The following TTN variants were observed in gnomAD, a reference collection of about 807,000 sequenced individuals.
TTN encodes the protein titin, also known as connectin.
Under a neutral mutation model 3,223.0 loss-of-function variants are expected in TTN, and 1,525 were observed. The observed-to-expected ratio is 0.47, with a 90% CI of 0.45 to 0.49. TTN has a LOEUF of 0.49. Among genes scored for constraint, TTN ranks in the 20% least tolerant of loss-of-function variants. The pLI, the probability that TTN is intolerant of heterozygous loss-of-function variation, is 0.00. For missense variants in TTN, 40,786 were observed against 43,424.0 expected, an observed-to-expected ratio of 0.94 and a Z score of 5.40; for synonymous variants, 14,094 against 15,161.0, an observed-to-expected ratio of 0.93 and a Z score of 5.17.
In TTN at chr2:178,582,415, C is replaced by G. The variant is rs750531050; in HGVS notation, c.66041G>C (p.Ser22014Thr). ...AQVSATVPIT[S>T]CSVEKLIEGH... ...CTCTATAAGTTTCTCCACGCTGCAG[C>G]TGGTGATAGGCACAGTTGCAGAGAC... The change falls in exon 314 of 363, where the codon AGC (serine) becomes ACC (threonine). Residue 22014 changes from serine to threonine, a missense_variant. By Grantham distance (58) the Ser-to-Thr change is moderately conservative. Coordinates refer to ENST00000589042, the MANE Select transcript of TTN (RefSeq NM_001267550.2). 3.1e-6 allele frequency: 5 copies of G among 1,612,938 alleles called. No individual in the cohort carries two copies. The highest frequency in any genetic ancestry group is 2.7e-5 in the African/African-American group (2 of 74,982).
rs2092284833 is a variant in TTN at position 178,776,901 on chromosome 2, C to G, written c.4963G>C (p.Glu1655Gln). Residue 1655 changes from glutamate (E) to glutamine (Q), a missense_variant, in exon 28 of 363, where the codon GAG becomes CAG. Glu to Gln is a conservative substitution (Grantham distance 29). Coordinates refer to ENST00000589042, the MANE Select transcript of TTN (RefSeq NM_001267550.2). ...GGGATGATTAACTTTCTCTCTGGCT[C>G]AGGCTCTGCAAACTCAACTTCAACA... ...VNVEVEFAEPEPERKLIIPRG... is the reference protein window; with the variant it reads ...VNVEVEFAEPQPERKLIIPRG... The G allele has an allele frequency of 6.2e-7, 1 of 1,613,092 alleles. No individual in the cohort carries two copies. The highest frequency in any genetic ancestry group is 1.7e-5 in the Admixed American group (1 of 59,870).
At chr2:178,764,490 GT>G in intron 42 of TTN, 36 bp downstream of exon 42, 1 of 1,613,532 alleles carries the variant, frequency 6.2e-7, no homozygotes, top group East Asian at 2.2e-5. Context: ...TGCTTCTTAG[GT>G]TTTATTTTCA....
chr2:178,764,709 T>G lies in TTN; in HGVS notation c.9806A>C (p.Lys3269Thr). 1 of 1,614,138 alleles carries G rather than the reference T, an allele frequency of 6.2e-7. No homozygotes were observed. Among genetic ancestry groups the G allele is most frequent in the Non-Finnish European group, 8.5e-7 (1 of 1,179,998 alleles). Residue 3269 changes from lysine to threonine, a missense_variant, in exon 42 of 363, where the codon AAA (lysine) becomes ACA (threonine). Physicochemically the swap from Lys to Thr is moderately conservative, Grantham distance 78 (BLOSUM62 -1). Coordinates refer to ENST00000589042, the MANE Select transcript of TTN (RefSeq NM_001267550.2). ...CAVISGRPQP[K>T]ISWYKEEQLL... ...CTGCTCTTCCTTGTACCAGGAAATTTTGGGCTGTGGTCTTCCGGATATCAC... is the reference window on the plus strand; with the variant it reads ...CTGCTCTTCCTTGTACCAGGAAATTGTGGGCTGTGGTCTTCCGGATATCAC...
chr2:178,609,706 TGGA>T lies in TTN; in HGVS notation c.51714_51716del (p.Pro17239del), dbSNP rs776868393. The T allele has an allele frequency of 3.2e-5, 51 of 1,601,388 alleles. No homozygotes were observed. Among genetic ancestry groups the T allele is most frequent in the Non-Finnish European group, 4.3e-5 (50 of 1,171,936 alleles). On this transcript the variant is annotated inframe_deletion, in exon 272 of 363. Coordinates refer to ENST00000589042, the MANE Select transcript of TTN (RefSeq NM_001267550.2). ...TACCAATGGGATCTACAGCTTTGGT[TGGA>T]GGAGTAGCCCGAGAAGGTTCACTAA...
In TTN at chr2:178,727,712, A is replaced by G. The variant is rs767313276; in HGVS notation, c.19866T>C (p.Ile6622=). 2 of 1,613,338 alleles carry G rather than the reference A, an allele frequency of 1.2e-6. No individual in the cohort carries two copies. The highest frequency in any genetic ancestry group is 3.3e-5 in the Admixed American group (2 of 59,992). Residue 6622 remains isoleucine (I), a synonymous_variant, in exon 68 of 363, where the codon ATT becomes ATC. Coordinates refer to ENST00000589042, the MANE Select transcript of TTN (RefSeq NM_001267550.2). ...AGAAGCTAGTCGACCCTTCCAAGCCAATGAAACATTTAGGACCTGAGACAA... is the reference window on the plus strand; with the variant it reads ...AGAAGCTAGTCGACCCTTCCAAGCCGATGAAACATTTAGGACCTGAGACAA... ...VELVSGPKCF[I]GLEGSTSFLN...
In TTN at chr2:178,706,602, T is replaced by C; in HGVS notation, c.29272A>G (p.Ile9758Val). 1 of 1,613,908 alleles carries C rather than the reference T, an allele frequency of 6.2e-7. No individual in the cohort carries two copies. The highest frequency in any genetic ancestry group is 1.6e-4 in the Middle Eastern group (1 of 6,062). The change falls in exon 102 of 363, where the codon ATT becomes GTT. Residue 9758 changes from isoleucine (I) to valine (V), a missense_variant. Ile to Val is a conservative substitution (Grantham distance 29). Transcript: ENST00000589042. ...GAATCAGTTTTTGTGGTGTCCCTAA[T>C]CTCCAGTTTTGCTTCATCGCCTTTT... ...HQKGDEAKLE[I>V]RDTTKTDSGL...
rs1305953554 is a variant in TTN, at chr2:178,616,879, C to G, written c.48010G>C (p.Glu16004Gln). ...TTCATTTTCACCCGGTCCCCTGTTT[C>G]TAGTACTTTATCTCCAAAACACCAG... ...ATWCFGDKVL[E>Q]TGDRVKMKTL... The change falls in exon 256 of 363, where the codon GAA (glutamate) becomes CAA (glutamine). Residue 16004 changes from glutamate to glutamine, a missense_variant. Glu to Gln is a conservative substitution (Grantham distance 29). Transcript: ENST00000589042. 2 of 1,612,592 alleles carry G rather than the reference C, an allele frequency of 1.2e-6. No individual in the cohort carries two copies. The highest frequency in any genetic ancestry group is 1.7e-6 in the Non-Finnish European group (2 of 1,179,200).
intron 6 of TTN, chr2:178,798,798 T>C (rs958913149): frequency 1.3e-5 from 2 of 152,468 alleles, no homozygotes; most frequent in Admixed American, 6.5e-5. Context: ...GTGATCCATA[T>C]ATAATAACAA....
In TTN at chr2:178,766,461, G is replaced by C; in HGVS notation, c.9623C>G (p.Ser3208Cys). Residue 3208 changes from serine to cysteine, a missense_variant, in exon 41 of 363, where the codon TCT becomes TGT. Ser to Cys is a moderately radical substitution (Grantham distance 112). Transcript: ENST00000589042. ...TCCTGCATCGCTCTGTCTGGTCTCA[G>C]AGATAAACATTCGGTGGATTCTTCT... Reference protein sequence around the residue: ...VERRIHRMFISETRQSDAGEY... With the variant: ...VERRIHRMFICETRQSDAGEY... 1 of 1,614,132 alleles carries C rather than the reference G, an allele frequency of 6.2e-7. No individual in the cohort carries two copies. The highest frequency in any genetic ancestry group is 1.7e-5 in the Admixed American group (1 of 60,024).
At chr2:178,597,011 A>T (rs2051857174) in intron 294 of TTN, among the ~76,000 whole-genome samples, 1 of 152,136 alleles carries the variant, frequency 6.6e-6, no homozygotes, top group East Asian at 1.9e-4. Context: ...TAATTTAGCG[A>T]TAGGGGTAGA....
intron 249 of TTN, 48 bp from the exon 250 acceptor site, chr2:178,619,935 A>G: frequency 6.3e-7 from 1 of 1,596,342 alleles, no homozygotes; most frequent in Non-Finnish European, 8.5e-7. Context: ...CATTTTGATT[A>G]ACAATTTTAA....
chr2:178,614,528 T>C lies in TTN; in HGVS notation c.48986A>G (p.Tyr16329Cys), dbSNP rs1456507512. 4 of 1,612,388 alleles carry C rather than the reference T, an allele frequency of 2.5e-6. No individual in the cohort carries two copies. Among genetic ancestry groups the C allele is most frequent in the Non-Finnish European group, 8.5e-7 (1 of 1,179,148 alleles). The change falls in exon 261 of 363, where the codon TAT becomes TGT. Residue 16329 changes from tyrosine (Y) to cysteine (C), a missense_variant. Transcript: ENST00000589042. ...VDSKRSDTGT[Y>C]IIEAVNVCGR... ...ACACACATTCACAGCCTCAATGATA[T>C]ATGTGCCAGTGTCACTTCTCTTACT...
rs1266840872 is a variant in TTN, at chr2:178,607,385, G to T, written c.53287+16C>A. 4 of 1,612,862 alleles carry T rather than the reference G, an allele frequency of 2.5e-6. No homozygotes were observed. Among genetic ancestry groups the T allele is most frequent in the Non-Finnish European group, 3.4e-6 (4 of 1,179,312 alleles). ...ACTTGGGAAAATCCTGTGAAAATCA[G>T]TGCAACATTCCTTACCAAAAACTTC... is the stretch of plus-strand genomic sequence containing the variant. On this transcript the variant is annotated intron_variant, in intron 277 of 362. Coordinates refer to ENST00000589042, the MANE Select transcript of TTN (RefSeq NM_001267550.2).
Position 178,682,623 on chromosome 2 carries a change from T to G in TTN, c.33094+74A>C, listed in dbSNP as rs552996761. ...GGGTATCCAAATTTTTATCTTGTTA[T>G]GATTTATCTTGTTTTATCTTGTTTG... On this transcript the variant is annotated intron_variant, in intron 135 of 362. Transcript: ENST00000589042. 487 of 1,356,402 alleles carry G rather than the reference T, an allele frequency of 3.6e-4. 1 individual carries two copies. The African/African-American group carries it at 6.7e-3, about 19-fold the overall frequency. The allele number at this position is 1,356,402 out of a possible 1,614,324, so 84.0% of individuals were successfully genotyped here.
rs575127027 is a variant in TTN, at chr2:178,769,553, C to T, written c.8902+126G>A. Reference sequence around the variant, plus strand: ...TGCTGGGATTACAGGCTTGAGCCACCCTGCCCACCCAATCAAGGATTTTTG... The same window carrying T: ...TGCTGGGATTACAGGCTTGAGCCACTCTGCCCACCCAATCAAGGATTTTTG... On this transcript the variant is annotated intron_variant, in intron 37 of 362. Coordinates refer to ENST00000589042, the MANE Select transcript of TTN (RefSeq NM_001267550.2). 26 of 796,658 alleles carry T rather than the reference C, an allele frequency of 3.3e-5. No individual in the cohort carries two copies. The African/African-American group carries it at 4.3e-4, about 13-fold the overall frequency. 49.3% of individuals were successfully genotyped at this position (796,658 alleles called of 1,614,324 possible). A position where few individuals can be genotyped will look rare whatever the true frequency, so the allele number is the denominator to read the frequency against.
chr2:178,588,069 T>G lies in TTN; in HGVS notation c.63338A>C (p.Asp21113Ala), dbSNP rs748932912. 9 of 1,612,988 alleles carry G rather than the reference T, an allele frequency of 5.6e-6. No individual in the cohort carries two copies. The highest frequency in any genetic ancestry group is 5.9e-6 in the Non-Finnish European group (7 of 1,179,342). ...MRPKIADASP[D>A]EGWKRCNAAA... Reference sequence around the variant, plus strand: ...AGCATTACACCGTTTCCAGCCTTCATCAGGAGACGCATCTGCTATTTTTGG... The same window carrying G: ...AGCATTACACCGTTTCCAGCCTTCAGCAGGAGACGCATCTGCTATTTTTGG... Residue 21113 changes from aspartate to alanine, a missense_variant, in exon 305 of 363, where the codon GAT becomes GCT. Physicochemically the swap from Asp to Ala is moderately radical, Grantham distance 126. Coordinates refer to ENST00000589042, the MANE Select transcript of TTN (RefSeq NM_001267550.2).
In TTN at chr2:178,733,017, T is replaced by C. The variant is rs371501460; in HGVS notation, c.16159A>G (p.Arg5387Gly). 1.2e-6 allele frequency: 2 copies of C among 1,613,502 alleles called. No homozygotes were observed. ...DCKIAGSLPM[R>G]VSWFKDGKEI... ...TTGCCATCCTTAAACCAGGACACCC[T>C]CATGGGGAGGGAGCCTGCAATTTTG... Residue 5387 changes from arginine (R) to glycine (G), a missense_variant, in exon 55 of 363, where the codon AGG becomes GGG. Coordinates refer to ENST00000589042, the MANE Select transcript of TTN (RefSeq NM_001267550.2).
rs146163169 is a variant in TTN, at chr2:178,613,912, T to A, written c.49371A>T (p.Leu16457=). 3,523 of 1,608,822 alleles carry A rather than the reference T, an allele frequency of 2.2e-3. 53 individuals are homozygous for A. The highest frequency in any genetic ancestry group is 0.021 in the South Asian group (1,920 of 90,246). The change falls in exon 263 of 363, where the codon CTA becomes CTT. Residue 16457 remains leucine (L), a synonymous_variant. Coordinates refer to ENST00000589042, the MANE Select transcript of TTN (RefSeq NM_001267550.2). ...CGTCTTTAGTGATATCAGAAGGTTC[T>A]AGGCGAGTTGGAGGACCAGGTGGAT... ...QFDPPGPPTR[L]EPSDITKDAV...
In TTN at chr2:178,735,940, A is replaced by T; in HGVS notation, c.14506T>A (p.Ser4836Thr). ...GAAATCCTCCAGTTAGGTGAAGGTG[A>T]GAGTGCAGCACCATCTTTCTGCCAA... The part of the protein sequence containing the change: ...TIWQKDGAAL[S>T]PSPNWRISDA... The change falls in exon 50 of 363, where the codon TCA becomes ACA. Residue 4836 changes from serine (S) to threonine (T), a missense_variant. Ser to Thr is a moderately conservative substitution (Grantham distance 58, BLOSUM62 1). Coordinates refer to ENST00000589042, the MANE Select transcript of TTN (RefSeq NM_001267550.2). 6.2e-7 allele frequency: 1 copy of T among 1,613,884 alleles called. No individual in the cohort carries two copies.
Sources: allele counts gnomAD v4.1 joint callset (sites outside exome capture counted in the v4.1 genomes callset), GRCh38; gene constraint gnomAD v4.1.1; transcripts MANE v1.5; gene names NCBI Gene and HGNC (gene_info 2026-07-23, HGNC 2026-07-21).